The following TGFBRAP1 variants were observed in gnomAD, a reference collection of about 807,000 sequenced individuals.
TGFBRAP1 encodes the protein transforming growth factor beta receptor associated protein 1, also known as transforming growth factor-beta receptor-associated protein 1.
TGFBRAP1 carries 20 observed loss-of-function variants against 83.2 expected under a neutral mutation model. That is an observed-to-expected ratio of 0.24 (90% confidence interval 0.17 to 0.35). The LOEUF (loss-of-function observed/expected upper bound fraction) is 0.35, where lower values mean the gene tolerates loss of function less well. TGFBRAP1 is among the 10% of genes least tolerant of loss of function. The pLI is 1.00. For missense variants in TGFBRAP1, 950 were observed against 1,099.4 expected (o/e 0.86, Z 1.92); for synonymous variants, 415 against 459.8 (o/e 0.90, Z 1.25).
At chr2:105,310,576 C>T (rs1018870431) in intron 1 of TGFBRAP1, among the ~76,000 whole-genome samples, 1 of 152,150 alleles carries the variant, frequency 6.6e-6, no homozygotes, top group African/African-American at 2.4e-5. Context: ...TCATGTCCAT[C>T]TACCTCGGGG....
chr2:105,275,478 C>A, intron 8 of TGFBRAP1, 82 bp downstream of exon 8: 1 of 1,537,976 alleles, frequency 6.5e-7, no homozygotes. Context: ...GCTTTCTTTT[C>A]CCCTCCTAAA....
intron 10 of TGFBRAP1, among the ~76,000 whole-genome samples, chr2:105,272,263 C>T (rs182283439): frequency 8.5e-5 from 13 of 152,282 alleles, no homozygotes; most frequent in Admixed American, 6.5e-5. Flanking sequence ...AACCCAAATG[C>T]CCTCCAAGAC....
At chr2:105,288,498 C>A (rs1032599344) in intron 4 of TGFBRAP1, among the ~76,000 whole-genome samples, 8 of 152,118 alleles carry the variant, frequency 5.3e-5, no homozygotes, top group Non-Finnish European at 1.2e-4. Flanking sequence ...GCTACCAAAG[C>A]GCAGAGGACA....
At chr2:105,326,173 A>G (rs1679221537) in intron 1 of TGFBRAP1, among the ~76,000 whole-genome samples, 1 of 152,186 alleles carries the variant, frequency 6.6e-6, no homozygotes, top group African/African-American at 2.4e-5. Flanking sequence ...AATACATATA[A>G]ACATATATTT....
chr2:105,269,133 G>C lies in TGFBRAP1; in HGVS notation c.2406+139C>G. On this transcript the variant is annotated intron_variant, in intron 11 of 11. Transcript: ENST00000393359. This position sits in a 1 kb window ranked among gnomAD's most constrained non-coding sequence, Gnocchi z 4.1. The stretch of plus-strand genomic sequence containing the variant: ...CTCACACAGACCTCAGTTTCTATGA[G>C]TAGGATCAGATATTGATGTGTTGTA... 8.8e-7 allele frequency: 1 copy of C among 1,135,810 alleles called. No individual in the cohort carries two copies. The highest frequency in any genetic ancestry group is 2.6e-5 in the East Asian group (1 of 37,930). 70.4% of individuals were successfully genotyped at this position (1,135,810 alleles called of 1,614,324 possible). A position where few individuals can be genotyped will look rare whatever the true frequency, so the allele number is the denominator to read the frequency against.
At chr2:105,297,679 G>C (rs1035040039) in intron 3 of TGFBRAP1, among the ~76,000 whole-genome samples, 1 of 152,312 alleles carries the variant, frequency 6.6e-6, no homozygotes, top group Middle Eastern at 3.4e-3. Flanking sequence ...TCTGAATATT[G>C]GCAGGACATG....
At chr2:105,316,422 T>TGA (rs1678858431) in intron 1 of TGFBRAP1, among the ~76,000 whole-genome samples, 1 of 47,514 alleles carries the variant, frequency 2.1e-5, no homozygotes, top group South Asian at 9.1e-4. Flanking sequence ...GTATAGGGAG[T>TGA]GTGTGTGTGT....
At chr2:105,326,658 G>A (rs1679233606) in intron 1 of TGFBRAP1, among the ~76,000 whole-genome samples, 1 of 152,126 alleles carries the variant, frequency 6.6e-6, no homozygotes, top group Non-Finnish European at 1.5e-5. Flanking sequence ...GATGGAGGTT[G>A]CAGTGAGCCG....
chr2:105,301,312 C>T (rs1321108537), intron 2 of TGFBRAP1, among the ~76,000 whole-genome samples: 5 of 152,038 alleles, frequency 3.3e-5, no homozygotes, highest in Admixed American at 6.6e-5. Context: ...TGGTCAGGTG[C>T]GATGGCTCAG....
At chr2:105,306,061 G>GTTTTTTTTTTTTTTTT (rs67017916) in intron 2 of TGFBRAP1, among the ~76,000 whole-genome samples, 1 of 74,898 alleles carries the variant, frequency 1.3e-5, no homozygotes, top group African/African-American at 4.7e-5. Flanking sequence ...TTTGTTTTTT[G>GTTTTTTTTTTTTTTTT]TTTTTTGTTT....
intron 4 of TGFBRAP1, among the ~76,000 whole-genome samples, chr2:105,292,772 T>C (rs1677956141): frequency 6.6e-6 from 1 of 152,186 alleles, no homozygotes; most frequent in Non-Finnish European, 1.5e-5. Flanking sequence ...TCTTTGAATA[T>C]ACTTTGTTTT....
At chr2:105,288,919 C>G (rs1211417241) in intron 4 of TGFBRAP1, among the ~76,000 whole-genome samples, 2 of 152,052 alleles carry the variant, frequency 1.3e-5, no homozygotes, top group Non-Finnish European at 2.9e-5. Flanking sequence ...TGGGGAATCA[C>G]AATAAGTGTT....
At chr2:105,253,106 C>T in the TGFBRAP1 span, among the ~76,000 whole-genome samples, 10 of 151,956 alleles carry the variant, frequency 6.6e-5, no homozygotes, top group East Asian at 1.6e-3. Flanking sequence ...ACAAGAATGA[C>T]ATATATGAAT....
At chr2:105,252,495 A>C in the TGFBRAP1 span, among the ~76,000 whole-genome samples, 1 of 152,178 alleles carries the variant, frequency 6.6e-6, no homozygotes, top group Non-Finnish European at 1.5e-5. Context: ...TCAGACCCAC[A>C]CAGGTGGCTG....
chr2:105,296,984 T>C (rs1678112139), intron 3 of TGFBRAP1, among the ~76,000 whole-genome samples: 1 of 152,110 alleles, frequency 6.6e-6, no homozygotes, highest in Non-Finnish European at 1.5e-5. Flanking sequence ...TTCATGCTCA[T>C]CTGCCAACCA....
intron 4 of TGFBRAP1, among the ~76,000 whole-genome samples, chr2:105,294,281 G>T (rs1023862716): frequency 5.9e-5 from 9 of 151,336 alleles, no homozygotes; most frequent in Non-Finnish European, 1.2e-4. Context: ...AATGTAGAAT[G>T]TAGGCATGTG....
At chr2:105,306,289 C>T (rs1309368836) in intron 2 of TGFBRAP1, among the ~76,000 whole-genome samples, 1 of 149,736 alleles carries the variant, frequency 6.7e-6, no homozygotes, top group Non-Finnish European at 1.5e-5. Flanking sequence ...CTCGAACTCC[C>T]CACCACAGGT....
chr2:105,279,958 A>C (rs571638858), intron 6 of TGFBRAP1, among the ~76,000 whole-genome samples: 6 of 152,040 alleles, frequency 3.9e-5, no homozygotes, highest in Non-Finnish European at 7.4e-5. Context: ...GAATTGCTTG[A>C]ACCCAGGAGG....
At chr2:105,255,559 G>A in the TGFBRAP1 span, among the ~76,000 whole-genome samples, 6 of 140,202 alleles carry the variant, frequency 4.3e-5, no homozygotes, top group South Asian at 2.6e-4. Flanking sequence ...GGCCTCAAGC[G>A]GTCCTCCTCC....
Sources: gnomAD v4.1 joint callset for allele counts (sites outside exome capture counted in the v4.1 genomes callset) on GRCh38, gnomAD v4.1.1 for gene constraint, Gnocchi (gnomAD v3.1) non-coding constraint, MANE v1.5 for transcripts, NCBI Gene and HGNC (gene_info 2026-07-23, HGNC 2026-07-21) for gene names.